The following CPA6 variants were observed in gnomAD, a reference collection of about 807,000 sequenced individuals.
The protein encoded by CPA6 is carboxypeptidase A6, also known as carboxypeptidase B.
In CPA6, 58 loss-of-function variants were observed where a neutral mutation model predicts 63.3. The observed-to-expected ratio is 0.92, with a 90% CI of 0.74 to 1.14. The LOEUF is 1.14. Among genes scored for constraint, CPA6 ranks in the 50% most tolerant of loss-of-function variants. The probability of loss-of-function intolerance (pLI) is 0.00; values close to 1 mark genes in which losing one functional copy is unlikely to be tolerated. For synonymous variants in CPA6, 185 were observed against 179.0 expected (o/e 1.03, Z -0.27); for missense variants, 565 against 526.6 (o/e 1.07, Z -0.71).
intron 1 of CPA6, among the ~76,000 whole-genome samples, chr8:67,721,654 G>A (rs577701641): frequency 2.0e-5 from 3 of 152,214 alleles, no homozygotes; most frequent in South Asian, 2.1e-4. Context: ...AGGCTGGTAC[G>A]TTACTTTAAC....
chr8:67,514,422 T>C (rs1812102816), intron 3 of CPA6, among the ~76,000 whole-genome samples: 1 of 152,188 alleles, frequency 6.6e-6, no homozygotes, highest in African/African-American at 2.4e-5. Context: ...TAGCTATACA[T>C]TATGTATTCT....
intron 1 of CPA6, among the ~76,000 whole-genome samples, chr8:67,641,701 C>T (rs74482658): frequency 0.019 from 2,818 of 152,132 alleles, 95 homozygotes; most frequent in African/African-American, 0.06. Flanking sequence ...CTATGACCAT[C>T]GTTTGTATTC....
intron 6 of CPA6, among the ~76,000 whole-genome samples, chr8:67,497,421 T>TCTTAATACCTTC: frequency 6.6e-6 from 1 of 152,338 alleles, no homozygotes; most frequent in South Asian, 2.1e-4. Flanking sequence ...CACTGCTGTA[T>TCTTAATACCTTC]CTTAATACCT....
intron 1 of CPA6, among the ~76,000 whole-genome samples, chr8:67,733,231 A>AAAAAAAAAAAAAAAC (rs1817748428): frequency 7.4e-6 from 1 of 135,096 alleles, no homozygotes; most frequent in African/African-American, 2.7e-5. Context: ...AAAATAAAAA[A>AAAAAAAAAAAAAAAC]ATTTAGCGTC....
At chr8:67,554,618 A>G (rs765802901) in intron 2 of CPA6, among the ~76,000 whole-genome samples, 1 of 152,224 alleles carries the variant, frequency 6.6e-6, no homozygotes, top group African/African-American at 2.4e-5. Context: ...AGCCCTTAGC[A>G]TGACTCAGTC....
chr8:67,499,194 G>A (rs1587495493), intron 6 of CPA6, among the ~76,000 whole-genome samples: 1 of 152,130 alleles, frequency 6.6e-6, no homozygotes, highest in Non-Finnish European at 1.5e-5. Flanking sequence ...GTGGCTCTCC[G>A]GGCATGGCAT....
chr8:67,655,985 C>T (rs1244455427), intron 1 of CPA6, among the ~76,000 whole-genome samples: 3 of 152,074 alleles, frequency 2.0e-5, no homozygotes, highest in African/African-American at 7.2e-5. Flanking sequence ...CTTGGTGTTG[C>T]TATCACCAGG....
chr8:67,534,571 T>C (rs1163928170), intron 2 of CPA6, among the ~76,000 whole-genome samples: 8 of 152,314 alleles, frequency 5.3e-5, no homozygotes, highest in Non-Finnish European at 4.4e-5. Flanking sequence ...TAGATGCACA[T>C]TGAAGGTTAA....
At chr8:67,693,431 G>A (rs2128997609) in intron 1 of CPA6, among the ~76,000 whole-genome samples, 1 of 152,274 alleles carries the variant, frequency 6.6e-6, no homozygotes, top group South Asian at 2.1e-4. Flanking sequence ...AGAAGAGGCT[G>A]GTACATTGCA....
intron 2 of CPA6, among the ~76,000 whole-genome samples, chr8:67,548,311 G>A (rs747378132): frequency 4.7e-5 from 7 of 150,106 alleles, no homozygotes; most frequent in Non-Finnish European, 1.0e-4. Context: ...GAGCACAGCG[G>A]CATGATCTCT....
At position 67,701,684 on chromosome 8, in the gene CPA6, C is replaced by T. The variant is rs1207074226; in HGVS notation, c.116+44330G>A. ...ATTCAGATGTCCTACAAGAGAAACG[C>T]AAATCACTGAAGAATTACTTTATGC... is the stretch of plus-strand genomic sequence containing the variant. On this transcript the variant is annotated intron_variant, in intron 1 of 10. Coordinates refer to ENST00000297770, the MANE Select transcript of CPA6 (RefSeq NM_020361.5). 2.6e-5 allele frequency among the ~76,000 whole-genome samples: 4 copies of T among 152,146 alleles called. No individual in the cohort carries two copies. In the East Asian group the frequency reaches 7.7e-4, roughly 29 times the overall value.
chr8:67,616,063 G>C (rs1814939923), intron 2 of CPA6, among the ~76,000 whole-genome samples: 1 of 152,186 alleles, frequency 6.6e-6, no homozygotes, highest in Non-Finnish European at 1.5e-5. Flanking sequence ...AGAGTTTGAA[G>C]TCTATACCCT....
intron 6 of CPA6, among the ~76,000 whole-genome samples, chr8:67,490,501 CTTAAA>C (rs1811580677): frequency 6.6e-6 from 1 of 152,160 alleles, no homozygotes; most frequent in Non-Finnish European, 1.5e-5. Context: ...CATCACCTCA[CTTAAA>C]TTTATTTTAA....
rs1809786016 is a variant in CPA6, at chr8:67,422,509, G to A, written c.1309C>T (p.Pro437Ser). 1.2e-6 allele frequency: 2 copies of A among 1,613,564 alleles called. No individual in the cohort carries two copies. Among genetic ancestry groups the A allele is most frequent in the African/African-American group, 1.3e-5 (1 of 74,922 alleles). Reference protein sequence around the residue: ...NITMHLLKKCP With the variant: ...NITMHLLKKCS ...GACCTGAGCCTTGGGCTGTCTCAGG[G>A]ACATTTCTTTAGCAGGTGCATTGTG... The change falls in exon 11 of 11, where the codon CCC (proline) becomes TCC (serine). Residue 437 changes from proline (P) to serine (S), a missense_variant. Physicochemically the swap from Pro to Ser is moderately conservative, Grantham distance 74. Coordinates refer to ENST00000297770, the MANE Select transcript of CPA6 (RefSeq NM_020361.5).
At chr8:67,618,481 C>T (rs1202964346) in intron 2 of CPA6, among the ~76,000 whole-genome samples, 1 of 152,142 alleles carries the variant, frequency 6.6e-6, no homozygotes, top group Non-Finnish European at 1.5e-5. Flanking sequence ...GGGACAGCAG[C>T]AGCACATTTC....
chr8:67,718,893 C>G (rs1056442623), intron 1 of CPA6, among the ~76,000 whole-genome samples: 1 of 152,140 alleles, frequency 6.6e-6, no homozygotes, highest in African/African-American at 2.4e-5. Context: ...GATCTGCCCA[C>G]CTCGGCCTCC....
At chr8:67,598,420 T>A (rs1814404497) in intron 2 of CPA6, among the ~76,000 whole-genome samples, 1 of 152,208 alleles carries the variant, frequency 6.6e-6, no homozygotes, top group Admixed American at 6.5e-5. Flanking sequence ...TGTTAAATAG[T>A]TTATTCTAGA....
chr8:67,630,456 T>A (rs187597467), intron 1 of CPA6, among the ~76,000 whole-genome samples: 2 of 152,226 alleles, frequency 1.3e-5, no homozygotes, highest in Admixed American at 6.5e-5. Context: ...TTTTTTCTTG[T>A]CAAAGTTATA....
chr8:67,570,917 G>A (rs1303164920), intron 2 of CPA6, among the ~76,000 whole-genome samples: 1 of 152,076 alleles, frequency 6.6e-6, no homozygotes, highest in Non-Finnish European at 1.5e-5. Flanking sequence ...AATGGATAAA[G>A]AAACAAGAGA....
Sources: allele counts gnomAD v4.1 joint callset (sites outside exome capture counted in the v4.1 genomes callset), GRCh38; gene constraint gnomAD v4.1.1; transcripts MANE v1.5; gene names NCBI Gene and HGNC (gene_info 2026-07-23, HGNC 2026-07-21).